Variants in NFIB observed in about 807,000 individuals in gnomAD.
NFIB encodes nuclear factor 1 B-type.
A neutral mutation model predicts 61.5 loss-of-function variants in NFIB; 11 were observed. That is an observed-to-expected ratio of 0.18 (90% CI 0.11 to 0.30). The LOEUF (loss-of-function observed/expected upper bound fraction) is 0.30. Ranked by LOEUF, NFIB falls within the 10% of genes least tolerant of loss-of-function variation. The pLI, the probability that NFIB is intolerant of heterozygous loss-of-function variation, is 1.00. For missense variants in NFIB, 471 were observed against 608.9 expected (o/e 0.77, Z 2.38); for synonymous variants, 260 against 216.5 (o/e 1.20, Z -1.76).
At chr9:14,379,013 T>A (rs2061452835) in intron 1 of NFIB, among the ~76,000 whole-genome samples, 1 of 152,206 alleles carries the variant, frequency 6.6e-6, no homozygotes, top group South Asian at 2.1e-4. Context: ...AGGCACGCAT[T>A]GTTGCTATCT....
the NFIB span, among the ~76,000 whole-genome samples, chr9:14,435,046 C>T: frequency 6.6e-6 from 1 of 152,208 alleles, no homozygotes; most frequent in South Asian, 2.1e-4. Context: ...TCATCTATAG[C>T]CCCTTTTCTT....
At chr9:14,322,330 CATGT>C (rs766334214) in intron 1 of NFIB, 5 of 272,480 alleles carry the variant, frequency 1.8e-5, no homozygotes, top group East Asian at 5.4e-5. Context: ...TGCGTGTGTG[CATGT>C]ATGTGTGTGT....
At chr9:14,335,002 T>C (rs1028362728) in intron 1 of NFIB, among the ~76,000 whole-genome samples, 1 of 152,254 alleles carries the variant, frequency 6.6e-6, no homozygotes, top group Non-Finnish European at 1.5e-5. Context: ...ATCCATGTTG[T>C]TGTAACAATA....
At chr9:14,297,857 G>A (rs1036065657) in intron 2 of NFIB, among the ~76,000 whole-genome samples, 2 of 152,116 alleles carry the variant, frequency 1.3e-5, no homozygotes, top group African/African-American at 4.8e-5. Context: ...AAAAATATCT[G>A]TGTTTTAACA....
At chr9:14,394,433 T>A (rs1195646352) in intron 1 of NFIB, among the ~76,000 whole-genome samples, 1 of 152,122 alleles carries the variant, frequency 6.6e-6, no homozygotes, top group Non-Finnish European at 1.5e-5. Flanking sequence ...GGATGCCTCA[T>A]AATAATGGTG....
intron 6 of NFIB, among the ~76,000 whole-genome samples, chr9:14,127,365 T>C (rs2051568465): frequency 6.6e-6 from 1 of 152,172 alleles, no homozygotes; most frequent in African/African-American, 2.4e-5. Flanking sequence ...ATGTTAACTG[T>C]ATTCACAAGT....
chr9:14,319,980 A>G (rs1009134868), intron 1 of NFIB, among the ~76,000 whole-genome samples: 1 of 152,220 alleles, frequency 6.6e-6, no homozygotes, highest in African/African-American at 2.4e-5. Flanking sequence ...CTGAAATTTT[A>G]ACTACACAAG....
At chr9:14,414,338 G>T in the NFIB span, among the ~76,000 whole-genome samples, 1 of 151,326 alleles carries the variant, frequency 6.6e-6, no homozygotes. Flanking sequence ...GGGAGGCTGA[G>T]GCAGGAGAAT....
chr9:14,438,683 G>T, the NFIB span, among the ~76,000 whole-genome samples: 1 of 152,246 alleles, frequency 6.6e-6, no homozygotes, highest in Admixed American at 6.5e-5. Flanking sequence ...ATCTGACACA[G>T]CCCCCTGGAA....
the NFIB span, among the ~76,000 whole-genome samples, chr9:14,492,579 G>A: frequency 6.6e-6 from 1 of 151,920 alleles, no homozygotes; most frequent in East Asian, 1.9e-4. Context: ...AGAAGAGGGA[G>A]GGGGAAGGGA....
At chr9:14,458,929 A>T in the NFIB span, among the ~76,000 whole-genome samples, 13 of 152,104 alleles carry the variant, frequency 8.5e-5, no homozygotes, top group African/African-American at 2.7e-4. Flanking sequence ...TATCGTGAAA[A>T]TGGCCATACT....
chr9:14,269,948 A>G (rs138926507), intron 2 of NFIB, among the ~76,000 whole-genome samples: 429 of 152,306 alleles, frequency 2.8e-3, no homozygotes, highest in African/African-American at 9.8e-3. Flanking sequence ...CAAGCTATAT[A>G]TATTGATTAA....
chr9:14,459,700 G>A, the NFIB span, among the ~76,000 whole-genome samples: 13 of 152,226 alleles, frequency 8.5e-5, no homozygotes, highest in East Asian at 1.9e-4. Context: ...ATCAAAAAGC[G>A]GGCGAAGGAT....
At chr9:14,524,411 T>G in the NFIB span, among the ~76,000 whole-genome samples, 1 of 152,280 alleles carries the variant, frequency 6.6e-6, no homozygotes. Flanking sequence ...TACAACATAA[T>G]GTACTGTTCA....
chr9:14,367,234 G>C (rs1458926900), intron 1 of NFIB, among the ~76,000 whole-genome samples: 2 of 152,102 alleles, frequency 1.3e-5, no homozygotes, highest in African/African-American at 4.8e-5. Flanking sequence ...AGACAAACAT[G>C]TTAACAAGGA....
intron 1 of NFIB, among the ~76,000 whole-genome samples, chr9:14,380,215 G>A (rs191278108): frequency 1.1e-4 from 16 of 152,272 alleles, no homozygotes; most frequent in Admixed American, 4.6e-4. Flanking sequence ...TTTTACCAAG[G>A]TCTGCAATGC....
the NFIB span, among the ~76,000 whole-genome samples, chr9:14,496,860 G>C: frequency 6.6e-6 from 1 of 152,148 alleles, no homozygotes; most frequent in African/African-American, 2.4e-5. Context: ...TTTGTTTTCT[G>C]TGAATATGAA....
intron 2 of NFIB, among the ~76,000 whole-genome samples, chr9:14,245,330 T>A (rs2054794288): frequency 6.6e-6 from 1 of 152,160 alleles, no homozygotes; most frequent in African/African-American, 2.4e-5. Context: ...GTACAAGCTT[T>A]CCTATGTCCT....
intron 1 of NFIB, among the ~76,000 whole-genome samples, chr9:14,381,667 C>A (rs1284401996): frequency 6.6e-6 from 1 of 152,198 alleles, no homozygotes; most frequent in Non-Finnish European, 1.5e-5. Flanking sequence ...AATTTTTTTA[C>A]CTACGGCCTA....
Sources: allele counts gnomAD v4.1 joint callset (sites outside exome capture counted in the v4.1 genomes callset), GRCh38; gene constraint gnomAD v4.1.1; transcripts MANE v1.5; gene names NCBI Gene and HGNC (gene_info 2026-07-23, HGNC 2026-07-21).